PANX1: variants seen among roughly 807,000 people sequenced by gnomAD.
The protein encoded by PANX1 is pannexin 1, also known as pannexin-1.
A neutral mutation model predicts 38.7 loss-of-function variants in PANX1; 30 were observed. The observed-to-expected ratio is 0.78, with a 90% CI of 0.58 to 1.05. The LOEUF (loss-of-function observed/expected upper bound fraction) is 1.05. Among genes scored for constraint, PANX1 ranks in the 50% least tolerant of loss-of-function variants. PANX1 has a pLI of 0.00. For missense variants in PANX1, 551 were observed against 517.2 expected, an observed-to-expected ratio of 1.07 and a Z score of -0.63; for synonymous variants, 230 against 212.2, an observed-to-expected ratio of 1.08 and a Z score of -0.73.
chr11:94,147,190 G>A (rs941205355), intron 1 of PANX1, among the ~76,000 whole-genome samples: 24 of 152,028 alleles, frequency 1.6e-4, no homozygotes, highest in African/African-American at 5.8e-4. Context: ...GGTAAATAGA[G>A]CAAAATGTCA....
At chr11:94,137,830 A>T (rs1243321085) in intron 1 of PANX1, among the ~76,000 whole-genome samples, 1 of 61,052 alleles carries the variant, frequency 1.6e-5, no homozygotes, top group Non-Finnish European at 2.9e-5. Flanking sequence ...AGAAAATAGC[A>T]GTACATCTAT....
At chr11:94,152,585 G>T (rs1169681609) in intron 1 of PANX1, among the ~76,000 whole-genome samples, 1 of 152,160 alleles carries the variant, frequency 6.6e-6, no homozygotes, top group Non-Finnish European at 1.5e-5. Context: ...TCAGGGCTGG[G>T]CCAGGCAAGG....
At chr11:94,133,880 C>T (rs918274318) in intron 1 of PANX1, among the ~76,000 whole-genome samples, 2 of 152,176 alleles carry the variant, frequency 1.3e-5, no homozygotes, top group African/African-American at 4.8e-5. Context: ...AGGGAACTCT[C>T]CCAGAGTGGC....
intron 2 of PANX1, among the ~76,000 whole-genome samples, chr11:94,161,001 T>C (rs968304621): frequency 1.3e-5 from 2 of 152,220 alleles, no homozygotes; most frequent in Non-Finnish European, 2.9e-5. Flanking sequence ...TTTGGCTGGA[T>C]ATGAAATTCT....
At chr11:94,140,788 A>T (rs1946753071) in intron 1 of PANX1, among the ~76,000 whole-genome samples, 1 of 152,240 alleles carries the variant, frequency 6.6e-6, no homozygotes, top group Non-Finnish European at 1.5e-5. Flanking sequence ...ATTAGAAATT[A>T]AAACTGACAG....
intron 1 of PANX1, among the ~76,000 whole-genome samples, chr11:94,146,433 T>G (rs1050521737): frequency 2.6e-5 from 4 of 152,220 alleles, no homozygotes; most frequent in Non-Finnish European, 5.9e-5. Flanking sequence ...TGACCCTGTC[T>G]GCGAGGATCC....
intron 2 of PANX1, among the ~76,000 whole-genome samples, chr11:94,166,366 T>A (rs1947101290): frequency 6.6e-6 from 1 of 152,230 alleles, no homozygotes; most frequent in Admixed American, 6.5e-5. Flanking sequence ...ATACCTCAGC[T>A]TTTGTTTGTC....
intron 2 of PANX1, among the ~76,000 whole-genome samples, chr11:94,177,684 G>A (rs1274620786): frequency 2.6e-5 from 4 of 152,078 alleles, no homozygotes; most frequent in Admixed American, 2.6e-4. Context: ...TGTTTGGTGT[G>A]TGTCTGCACC....
At chr11:94,143,760 T>C (rs1036120785) in intron 1 of PANX1, among the ~76,000 whole-genome samples, 1 of 151,414 alleles carries the variant, frequency 6.6e-6, no homozygotes, top group Admixed American at 6.6e-5. Context: ...TTTTTTTTTT[T>C]CTTTTTGAGA....
chr11:94,166,360 C>T (rs555883102), intron 2 of PANX1, among the ~76,000 whole-genome samples: 1 of 152,286 alleles, frequency 6.6e-6, no homozygotes, highest in South Asian at 2.1e-4. Flanking sequence ...GATGAAATAC[C>T]TCAGCTTTTG....
At chr11:94,151,828 A>AACACT (rs1946885830) in intron 1 of PANX1, among the ~76,000 whole-genome samples, 3 of 152,188 alleles carry the variant, frequency 2.0e-5, no homozygotes, top group Admixed American at 2.0e-4. Context: ...ACACTTGCTG[A>AACACT]TGTTTGTGAC....
At chr11:94,158,710 T>C (rs1288787053) in intron 2 of PANX1, among the ~76,000 whole-genome samples, 1 of 152,206 alleles carries the variant, frequency 6.6e-6, no homozygotes, top group Non-Finnish European at 1.5e-5. Flanking sequence ...ACAATTTGAC[T>C]TCCTCTTTTC....
At chr11:94,152,953 T>C (rs1231231278) in intron 1 of PANX1, among the ~76,000 whole-genome samples, 1 of 152,126 alleles carries the variant, frequency 6.6e-6, no homozygotes, top group Non-Finnish European at 1.5e-5. Flanking sequence ...TTTCAGCCTG[T>C]TTCTTCTTTA....
intron 2 of PANX1, among the ~76,000 whole-genome samples, chr11:94,162,304 C>T (rs1165429169): frequency 1.3e-5 from 2 of 152,196 alleles, no homozygotes; most frequent in African/African-American, 4.8e-5. Context: ...TTTGCTATTC[C>T]CTGTCCCCAG....
intron 2 of PANX1, among the ~76,000 whole-genome samples, chr11:94,168,234 A>G (rs528705333): frequency 6.6e-6 from 1 of 152,274 alleles, no homozygotes; most frequent in East Asian, 1.9e-4. Flanking sequence ...GGTGGGAAGC[A>G]CTTTCTGGGG....
At chr11:94,159,313 T>G (rs1946992237) in intron 2 of PANX1, among the ~76,000 whole-genome samples, 1 of 152,202 alleles carries the variant, frequency 6.6e-6, no homozygotes, top group South Asian at 2.1e-4. Flanking sequence ...ATTGGAATAG[T>G]TTCAGAAGGA....
At chr11:94,162,871 C>CTCTTTTTTT (rs763128119) in intron 2 of PANX1, among the ~76,000 whole-genome samples, 3 of 107,438 alleles carry the variant, frequency 2.8e-5, no homozygotes, top group African/African-American at 1.2e-4. Flanking sequence ...ACCAACCTCT[C>CTCTTTTTTT]TTTTTTTTTT....
chr11:94,169,238 A>T (rs189357995), intron 2 of PANX1, among the ~76,000 whole-genome samples: 3 of 151,564 alleles, frequency 2.0e-5, no homozygotes, highest in African/African-American at 7.3e-5. Flanking sequence ...ACATGGAGAG[A>T]GGGTGGGGTA....
Position 94,138,816 on chromosome 11 carries a change from T to C in PANX1, c.181+9323T>C, listed in dbSNP as rs1289801569. Among the ~76,000 whole-genome samples the C allele has an allele frequency of 2.0e-5, 3 of 152,226 alleles. No individual in the cohort carries two copies. In the East Asian group the frequency reaches 5.8e-4, roughly 29 times the overall value. ...CCATCCCTCAGTAACCTTTACAGTA[T>C]AAGTTTTGATAAGCAGAAGTTATTT... On this transcript the variant is annotated intron_variant, in intron 1 of 4. Transcript: ENST00000227638.
Sources: gnomAD v4.1 joint callset for allele counts (sites outside exome capture counted in the v4.1 genomes callset) on GRCh38, gnomAD v4.1.1 for gene constraint, MANE v1.5 for transcripts, NCBI Gene and HGNC (gene_info 2026-07-23, HGNC 2026-07-21) for gene names.